The following MIS18A variants were observed in gnomAD, a reference collection of about 807,000 sequenced individuals.
MIS18A encodes MIS18 kinetochore protein A.
MIS18A carries 14 observed loss-of-function variants against 25.0 expected under a neutral mutation model. The observed-to-expected ratio is 0.56, with a 90% CI of 0.37 to 0.88. The LOEUF is 0.88. Ranked by LOEUF, MIS18A falls within the 40% of genes least tolerant of loss-of-function variation. MIS18A has a pLI of 0.00. For synonymous variants in MIS18A, 134 were observed against 118.6 expected (o/e 1.13, Z -0.84); for missense variants, 292 against 290.8 (o/e 1.00, Z -0.03).
the MIS18A span, among the ~76,000 whole-genome samples, chr21:32,190,972 C>T: frequency 6.6e-6 from 1 of 152,324 alleles, no homozygotes; most frequent in East Asian, 1.9e-4. Context: ...GTGAGGCACA[C>T]GGCTTTCCCT....
the MIS18A span, among the ~76,000 whole-genome samples, chr21:32,232,321 T>C: frequency 6.6e-6 from 1 of 151,774 alleles, no homozygotes; most frequent in East Asian, 1.9e-4. Context: ...TCTATAGATA[T>C]AGCTATATAG....
the MIS18A span, among the ~76,000 whole-genome samples, chr21:32,240,831 AC>A: frequency 6.6e-6 from 1 of 151,940 alleles, no homozygotes; most frequent in Admixed American, 6.5e-5. Context: ...TTCTCAGTGA[AC>A]TCGTACTGCA....
intron 1 of MIS18A, among the ~76,000 whole-genome samples, chr21:32,276,834 C>G (rs1019406163): frequency 6.6e-6 from 1 of 151,906 alleles, no homozygotes; most frequent in Non-Finnish European, 1.5e-5. Context: ...GAAGCTGAGC[C>G]GGGAGGATAG....
chr21:32,252,196 AGAG>A, the MIS18A span, among the ~76,000 whole-genome samples: 2 of 139,084 alleles, frequency 1.4e-5, no homozygotes, highest in East Asian at 2.3e-4. Context: ...AAAAAAAGGA[AGAG>A]GAGGAGAAGA....
At chr21:32,182,921 C>G in the MIS18A span, among the ~76,000 whole-genome samples, 1 of 152,132 alleles carries the variant, frequency 6.6e-6, no homozygotes, top group South Asian at 2.1e-4. Context: ...GTTAGTAGAC[C>G]CTTGACTTTC....
the MIS18A span, among the ~76,000 whole-genome samples, chr21:32,171,302 T>C: frequency 6.6e-6 from 1 of 152,058 alleles, no homozygotes; most frequent in South Asian, 2.1e-4. Context: ...TTCAACAAGA[T>C]AGTCTACAAG....
the MIS18A span, among the ~76,000 whole-genome samples, chr21:32,167,187 G>A: frequency 6.6e-6 from 1 of 152,074 alleles, no homozygotes; most frequent in South Asian, 2.1e-4. Context: ...CCAGAGTATA[G>A]GGTGAATCTT....
Position 32,268,252 on chromosome 21 carries a change from A to C in MIS18A, c.*785T>G, listed in dbSNP as rs1219141108. 6.6e-6 allele frequency: 1 copy of C among 152,180 alleles called. No individual in the cohort carries two copies. The highest frequency in any genetic ancestry group is 1.5e-5 in the Non-Finnish European group (1 of 68,034). 9.4% of individuals were successfully genotyped at this position (152,180 alleles called of 1,614,324 possible). On this transcript the variant is annotated 3_prime_UTR_variant, in exon 5 of 5. Transcript: ENST00000290130. Reference sequence around the variant, plus strand: ...CTTTGTTTTAATCTTTATTCTCTTCAATTAGAAAAATACATACTACAAAAG... The same window carrying C: ...CTTTGTTTTAATCTTTATTCTCTTCCATTAGAAAAATACATACTACAAAAG...
the MIS18A span, among the ~76,000 whole-genome samples, chr21:32,167,938 T>C: frequency 6.6e-6 from 1 of 152,192 alleles, no homozygotes; most frequent in Non-Finnish European, 1.5e-5. Flanking sequence ...TGTTATGGAC[T>C]GAACGATTGT....
chr21:32,238,075 G>A, the MIS18A span, among the ~76,000 whole-genome samples: 1 of 152,196 alleles, frequency 6.6e-6, no homozygotes, highest in South Asian at 2.1e-4. Flanking sequence ...GGCAAAAGGA[G>A]AGGGGAGAAT....
chr21:32,175,082 T>C, the MIS18A span, among the ~76,000 whole-genome samples: 6 of 152,202 alleles, frequency 3.9e-5, no homozygotes, highest in Non-Finnish European at 8.8e-5. Flanking sequence ...ACTACACACC[T>C]AGGCTATATG....
intron 4 of MIS18A, 61 bp from the exon 5 acceptor site, chr21:32,269,178 G>A (rs1443443565): frequency 8.4e-7 from 1 of 1,194,546 alleles, no homozygotes; most frequent in Non-Finnish European, 1.2e-6. Flanking sequence ...ATTATACATG[G>A]TTAAATATAA....
chr21:32,237,062 C>T, the MIS18A span, among the ~76,000 whole-genome samples: 1 of 151,304 alleles, frequency 6.6e-6, no homozygotes. Flanking sequence ...CCCCCCACCC[C>T]CGCCCTGTAA....
chr21:32,255,097 T>C, the MIS18A span, among the ~76,000 whole-genome samples: 25 of 152,206 alleles, frequency 1.6e-4, no homozygotes, highest in African/African-American at 5.8e-4. Context: ...TAGGAAATCA[T>C]GTGGAAGGAT....
At chr21:32,198,117 C>G in the MIS18A span, among the ~76,000 whole-genome samples, 1 of 152,152 alleles carries the variant, frequency 6.6e-6, no homozygotes, top group African/African-American at 2.4e-5. Flanking sequence ...GAAGTTGCTT[C>G]TCAGATCAAA....
chr21:32,198,260 G>A, the MIS18A span, among the ~76,000 whole-genome samples: 69 of 152,316 alleles, frequency 4.5e-4, no homozygotes, highest in African/African-American at 1.6e-3. Context: ...GCCAAAGAGT[G>A]AGCTACACTG....
At chr21:32,159,533 G>A in the MIS18A span, among the ~76,000 whole-genome samples, 2 of 152,184 alleles carry the variant, frequency 1.3e-5, no homozygotes, top group Non-Finnish European at 2.9e-5. Context: ...GTATTCAAGA[G>A]TCAAACTCTA....
chr21:32,201,981 A>C, the MIS18A span, among the ~76,000 whole-genome samples: 1 of 152,122 alleles, frequency 6.6e-6, no homozygotes, highest in Non-Finnish European at 1.5e-5. Flanking sequence ...ACCCAAACAT[A>C]CAAATCAGGA....
the MIS18A span, among the ~76,000 whole-genome samples, chr21:32,262,374 T>C: frequency 4.6e-5 from 7 of 152,398 alleles, no homozygotes; most frequent in South Asian, 1.2e-3. Flanking sequence ...CTACATGCTC[T>C]TCTTTTTGGT....
Sources: allele counts gnomAD v4.1 joint callset (sites outside exome capture counted in the v4.1 genomes callset), GRCh38; gene constraint gnomAD v4.1.1; transcripts MANE v1.5; gene names NCBI Gene and HGNC (gene_info 2026-07-23, HGNC 2026-07-21).